The following PRKD1 variants were observed in gnomAD, a reference collection of about 807,000 sequenced individuals.
The protein encoded by PRKD1 is serine/threonine-protein kinase D1.
PRKD1 carries 63 observed loss-of-function variants against 95.9 expected under a neutral mutation model. The ratio of observed to expected loss-of-function variants is 0.66; its 90% CI spans 0.54 to 0.81. The LOEUF (loss-of-function observed/expected upper bound fraction) is 0.81. PRKD1 is among the 30% of genes least tolerant of loss of function. PRKD1 has a pLI of 0.00. For synonymous variants in PRKD1, 425 were observed against 423.1 expected, an observed-to-expected ratio of 1.00 and a Z score of -0.05; for missense variants, 1,048 against 1,165.3, an observed-to-expected ratio of 0.90 and a Z score of 1.47.
At chr14:29,589,405 C>A (rs372406746) in intron 16 of PRKD1, among the ~76,000 whole-genome samples, 1 of 152,226 alleles carries the variant, frequency 6.6e-6, no homozygotes, top group South Asian at 2.1e-4. Flanking sequence ...ATCAAGTCAG[C>A]TGTAGAGAAG....
chr14:29,597,880 G>T, intron 15 of PRKD1, 122 bp from the exon 16 acceptor site: 1 of 1,063,184 alleles, frequency 9.4e-7, no homozygotes, highest in East Asian at 2.6e-5. Context: ...TAAATGATAT[G>T]GATTTCTTAA....
chr14:29,645,625 C>G (rs970868455), intron 4 of PRKD1, among the ~76,000 whole-genome samples: 2 of 152,130 alleles, frequency 1.3e-5, no homozygotes, highest in Admixed American at 6.5e-5. Context: ...GCAAATTTTA[C>G]CTGAAAGCTC....
In PRKD1 at chr14:29,600,524, C is replaced by T. The variant is rs45574435; in HGVS notation, c.1906-707G>A. Among the ~76,000 whole-genome samples the T allele has an allele frequency of 2.7e-3, 407 of 152,276 alleles. 13 individuals carry two copies. In the East Asian group the frequency reaches 0.056, roughly 21 times the overall value. ...AGTTGGCCCTTGGTATCTGTGGGTT[C>T]TGCATCCACAACCAAGTGAGTATTG... is the stretch of plus-strand genomic sequence containing the variant. On this transcript the variant is annotated intron_variant, in intron 13 of 17. Transcript: ENST00000331968.
rs1892593140 is a variant in PRKD1, at chr14:29,577,394, G to A, written c.2583C>T (p.Thr861=). Residue 861 remains threonine, a synonymous_variant, in exon 18 of 18, where the codon ACC becomes ACT. Coordinates refer to ENST00000331968, the MANE Select transcript of PRKD1 (RefSeq NM_002742.3). The part of the protein sequence containing the change: ...LECKIGERYI[T]HESDDLRWEK... The stretch of plus-strand genomic sequence containing the variant: ...CCCACCTCAGGTCATCACTTTCATG[G>A]GTGATGTAGCGCTCCCCGATTTTGC... The A allele has an allele frequency of 6.2e-7, 1 of 1,613,744 alleles. No individual in the cohort carries two copies. The highest frequency in any genetic ancestry group is 1.3e-5 in the African/African-American group (1 of 74,986).
At chr14:29,598,169 G>A (rs549626469) in intron 15 of PRKD1, among the ~76,000 whole-genome samples, 62 of 151,922 alleles carry the variant, frequency 4.1e-4, no homozygotes, top group African/African-American at 1.4e-3. Context: ...CCAGCTATTC[G>A]AGAGGCTGAG....
At chr14:29,658,327 C>A (rs772557645) in intron 4 of PRKD1, among the ~76,000 whole-genome samples, 2 of 152,074 alleles carry the variant, frequency 1.3e-5, no homozygotes, top group Non-Finnish European at 2.9e-5. Context: ...AATATTAATG[C>A]GTTTTATGAG....
At chr14:29,897,055 C>A (rs930417906) in intron 1 of PRKD1, among the ~76,000 whole-genome samples, 1 of 151,750 alleles carries the variant, frequency 6.6e-6, no homozygotes, top group African/African-American at 2.4e-5. Flanking sequence ...CCAGATAAAA[C>A]CACTTACAAT....
chr14:29,774,715 A>C (rs530457368), intron 1 of PRKD1, among the ~76,000 whole-genome samples: 40 of 150,962 alleles, frequency 2.6e-4, no homozygotes, highest in African/African-American at 9.0e-4. Flanking sequence ...TCTTCATTTA[A>C]AGAGGAGGAA....
intron 1 of PRKD1, among the ~76,000 whole-genome samples, chr14:29,805,474 C>T (rs1890195913): frequency 1.3e-5 from 2 of 152,146 alleles, no homozygotes; most frequent in Non-Finnish European, 2.9e-5. Context: ...AAATAGAATG[C>T]TAATAGAAGG....
chr14:29,836,231 G>A (rs1467566655), intron 1 of PRKD1, among the ~76,000 whole-genome samples: 1 of 152,144 alleles, frequency 6.6e-6, no homozygotes, highest in South Asian at 2.1e-4. Flanking sequence ...CTGATTTGAG[G>A]GGCTGAGCTC....
At chr14:29,851,737 T>C (rs2139339537) in intron 1 of PRKD1, among the ~76,000 whole-genome samples, 1 of 152,164 alleles carries the variant, frequency 6.6e-6, no homozygotes, top group East Asian at 1.9e-4. Context: ...ACTGGATCTG[T>C]AAACCCCAAA....
intron 16 of PRKD1, among the ~76,000 whole-genome samples, chr14:29,586,118 G>C (rs1208346993): frequency 6.6e-6 from 1 of 152,180 alleles, no homozygotes; most frequent in Non-Finnish European, 1.5e-5. Flanking sequence ...AGGAGCTAGA[G>C]GTATGAGAAC....
At chr14:29,793,188 G>A (rs1889625373) in intron 1 of PRKD1, among the ~76,000 whole-genome samples, 1 of 151,794 alleles carries the variant, frequency 6.6e-6, no homozygotes, top group South Asian at 2.1e-4. Flanking sequence ...TTATTGAAAT[G>A]GTAGGTGTTT....
intron 2 of PRKD1, among the ~76,000 whole-genome samples, chr14:29,678,972 C>T (rs1220967871): frequency 1.3e-5 from 2 of 152,152 alleles, no homozygotes; most frequent in Non-Finnish European, 2.9e-5. Context: ...TAAAAACTTT[C>T]AGCCACTATT....
At chr14:29,733,643 A>AAG (rs1886566631) in intron 1 of PRKD1, among the ~76,000 whole-genome samples, 2 of 152,256 alleles carry the variant, frequency 1.3e-5, no homozygotes, top group South Asian at 4.1e-4. Flanking sequence ...GAGTGAAGGG[A>AAG]AGAACCTTTA....
At chr14:29,829,093 C>A (rs1445140188) in intron 1 of PRKD1, among the ~76,000 whole-genome samples, 2 of 152,114 alleles carry the variant, frequency 1.3e-5, no homozygotes, top group Non-Finnish European at 2.9e-5. Context: ...CCCAGGCAAA[C>A]CCAAATCCAT....
At chr14:29,873,855 T>C (rs1465402420) in intron 1 of PRKD1, among the ~76,000 whole-genome samples, 3 of 151,966 alleles carry the variant, frequency 2.0e-5, no homozygotes, top group Non-Finnish European at 4.4e-5. Context: ...CATATATAAT[T>C]ATACACACAC....
At position 29,903,268 on chromosome 14, in the gene PRKD1, G is replaced by A. The variant is rs552991411; in HGVS notation, c.264+23981C>T. Among the ~76,000 whole-genome samples the A allele has an allele frequency of 8.9e-4, 135 of 152,242 alleles. 1 individual carries two copies. In the South Asian group the frequency reaches 0.015, roughly 17 times the overall value. On this transcript the variant is annotated intron_variant, in intron 1 of 17. Coordinates refer to ENST00000331968, the MANE Select transcript of PRKD1 (RefSeq NM_002742.3). Reference sequence around the variant, plus strand: ...CATACTATCCAACCAGCCTCGAAACGGGCTAATGGCATCACCACAAATCAT... The same window carrying A: ...CATACTATCCAACCAGCCTCGAAACAGGCTAATGGCATCACCACAAATCAT...
intron 13 of PRKD1, among the ~76,000 whole-genome samples, chr14:29,612,089 C>A (rs1878509247): frequency 6.6e-6 from 1 of 152,056 alleles, no homozygotes; most frequent in Non-Finnish European, 1.5e-5. Flanking sequence ...GTATTATATA[C>A]CAGATAATGG....
Sources: allele counts gnomAD v4.1 joint callset (sites outside exome capture counted in the v4.1 genomes callset), GRCh38; gene constraint gnomAD v4.1.1; transcripts MANE v1.5; gene names NCBI Gene and HGNC (gene_info 2026-07-23, HGNC 2026-07-21).